Variants in TOGARAM2 observed in about 807,000 individuals in gnomAD.
TOGARAM2 encodes the protein TOG array regulator of axonemal microtubules protein 2.
In TOGARAM2, 85 loss-of-function variants were observed where a neutral mutation model predicts 93.3. That is an observed-to-expected ratio of 0.91 (90% confidence interval 0.76 to 1.09). TOGARAM2 has a LOEUF of 1.09. TOGARAM2 is among the 50% of genes least tolerant of loss of function. TOGARAM2 has a pLI of 0.00. For missense variants in TOGARAM2, 1,277 were observed against 1,334.5 expected (o/e 0.96, Z 0.67); for synonymous variants, 593 against 552.8 (o/e 1.07, Z -1.02).
Position 29,051,844 on chromosome 2 carries a change from CA to C in TOGARAM2, c.2812del (p.Arg938GlyfsTer50). The C allele has an allele frequency of 6.4e-7, 1 of 1,567,476 alleles. No individual in the cohort carries two copies. The highest frequency in any genetic ancestry group is 8.6e-7 in the Non-Finnish European group (1 of 1,156,216). On this transcript the variant is annotated frameshift_variant, in exon 20 of 20. Transcript: ENST00000379558. LOFTEE classifies it low-confidence loss of function (END_TRUNC). Reference protein sequence around the residue: ...ILWHFLNTATRNGTLPGPSGN... With the variant: ...ILWHFLNTATXNGTLPGPSGN... ...TCTGGCACTTCCTGAACACCGCCAC[CA>C]GGAATGGCACCCTGCCTGGACCCAG...
chr2:29,036,226 A>T (rs1037068345), intron 17 of TOGARAM2, among the ~76,000 whole-genome samples: 1 of 152,122 alleles, frequency 6.6e-6, no homozygotes, highest in Admixed American at 6.5e-5. Flanking sequence ...GTTGTTGTTT[A>T]TGGGAAAGTG....
intron 1 of TOGARAM2, among the ~76,000 whole-genome samples, chr2:28,990,987 G>A (rs1672696574): frequency 8.0e-6 from 1 of 125,664 alleles, no homozygotes; most frequent in Non-Finnish European, 1.7e-5. Flanking sequence ...GTGTGTGTGT[G>A]AAGGGTGTGT....
At chr2:29,036,140 G>T (rs1270211150) in intron 17 of TOGARAM2, among the ~76,000 whole-genome samples, 2 of 152,196 alleles carry the variant, frequency 1.3e-5, no homozygotes, top group Non-Finnish European at 2.9e-5. Flanking sequence ...AGAGTCAGCA[G>T]ACCTGGGTTT....
intron 14 of TOGARAM2, among the ~76,000 whole-genome samples, chr2:29,031,063 T>C (rs1172019717): frequency 6.6e-6 from 1 of 152,218 alleles, no homozygotes; most frequent in Non-Finnish European, 1.5e-5. Context: ...CCTTCCCTGG[T>C]TTTAATATTT....
rs1435111502 is a variant in TOGARAM2 at position 28,956,981 on chromosome 2, C to G, written c.-147+284C>G. On this transcript the variant is annotated intron_variant, in intron 1 of 6. Transcript: ENST00000401723. The surrounding 1 kb of genome is among the most constrained non-coding windows in gnomAD (Gnocchi z 4.5). The stretch of plus-strand genomic sequence containing the variant: ...CTCTACTAAAAGTACAAAAATTGGC[C>G]GGGAATGGTGGAGGGCATCTGTAAT... Among the ~76,000 whole-genome samples, 2 of 151,740 alleles carry G rather than the reference C, an allele frequency of 1.3e-5. No homozygotes were observed. The highest frequency in any genetic ancestry group is 4.8e-5 in the African/African-American group (2 of 41,352).
At chr2:29,000,561 C>CT (rs1673233089) in intron 4 of TOGARAM2, among the ~76,000 whole-genome samples, 1 of 152,162 alleles carries the variant, frequency 6.6e-6, no homozygotes, top group Admixed American at 6.5e-5. Context: ...ATCATACGGG[C>CT]TCTTTTCAGC....
chr2:28,978,611 G>C (rs897270951), upstream of TOGARAM2, among the ~76,000 whole-genome samples: 12 of 152,178 alleles, frequency 7.9e-5, no homozygotes, highest in African/African-American at 2.9e-4. Flanking sequence ...CTGAAATCTT[G>C]AGTAGATTTC....
At position 29,026,859 on chromosome 2, in the gene TOGARAM2, G is replaced by T. The variant is rs200257242; in HGVS notation, c.1860G>T (p.Arg620=). Residue 620 remains arginine, a synonymous_variant, in exon 14 of 20, where the codon CGG becomes CGT. Transcript: ENST00000379558. ...VVLTSAGVYH[R]NPLIRKYAAE... ...GGCCATGATTTCCTTTCAGCCACCG[G>T]AACCCCTTGATCCGGAAATACGCGG... 98 of 1,588,642 alleles carry T rather than the reference G, an allele frequency of 6.2e-5. 1 individual carries two copies. The highest frequency in any genetic ancestry group is 1.1e-5 in the Non-Finnish European group (13 of 1,166,252).
intron 14 of TOGARAM2, 194 bp from the exon 15 acceptor site, chr2:29,032,740 A>AT (rs1341239298): frequency 1.9e-6 from 1 of 523,800 alleles, no homozygotes; most frequent in African/African-American, 1.9e-5. Flanking sequence ...TTTAATAGGG[A>AT]TTTTCTCTTG....
At chr2:29,005,269 A>AGT (rs1254948031) in intron 6 of TOGARAM2, among the ~76,000 whole-genome samples, 1 of 115,282 alleles carries the variant, frequency 8.7e-6, no homozygotes, top group Non-Finnish European at 1.8e-5. Context: ...ATGTGTGTGG[A>AGT]GTGTGTGTGC....
chr2:29,011,600 C>A (rs1157982626), intron 7 of TOGARAM2, 99 bp downstream of exon 7: 11 of 1,194,740 alleles, frequency 9.2e-6, no homozygotes, highest in South Asian at 1.6e-5. Context: ...GATCTGAGAG[C>A]TCTTGTGTCT....
chr2:29,006,000 GTA>G (rs1558424086), intron 6 of TOGARAM2, among the ~76,000 whole-genome samples: 7 of 149,530 alleles, frequency 4.7e-5, no homozygotes, highest in Admixed American at 2.7e-4. Flanking sequence ...TGTAGGGTGT[GTA>G]TGTGTGCGTG....
chr2:28,978,475 C>T (rs1431050463), upstream of TOGARAM2, among the ~76,000 whole-genome samples: 1 of 152,128 alleles, frequency 6.6e-6, no homozygotes, highest in African/African-American at 2.4e-5. Flanking sequence ...CAGCTTTGTT[C>T]ACTTTACAAA....
intron 1 of TOGARAM2, among the ~76,000 whole-genome samples, chr2:28,987,716 G>T (rs1672532650): frequency 1.3e-5 from 2 of 152,340 alleles, no homozygotes; most frequent in East Asian, 1.9e-4. Context: ...ACCCTATATT[G>T]TCTGAGAACA....
Position 29,024,244 on chromosome 2 carries a change from C to T in TOGARAM2, c.1723C>T (p.Arg575Cys), listed in dbSNP as rs149999607. The change falls in exon 13 of 20, where the codon CGC becomes TGC. Residue 575 changes from arginine (R) to cysteine (C), a missense_variant. Physicochemically the swap from Arg to Cys is radical, Grantham distance 180 (BLOSUM62 -3). Coordinates refer to ENST00000379558, the MANE Select transcript of TOGARAM2 (RefSeq NM_199280.4). ...GGACCAGGAGGCCGAGGAGATCGCCCGCTGCTTGCTGCAGAAGATGGCGGA... is the reference window on the plus strand; with the variant it reads ...GGACCAGGAGGCCGAGGAGATCGCCTGCTGCTTGCTGCAGAAGATGGCGGA... Reference protein sequence around the residue: ...NMDQEAEEIARCLLQKMADTN... With the variant: ...NMDQEAEEIACCLLQKMADTN... 1.6e-3 allele frequency: 2,597 copies of T among 1,611,558 alleles called. 30 individuals carry two copies. In the African/African-American group the frequency reaches 0.03, roughly 19 times the overall value.
At chr2:29,034,388 G>A (rs1665955823) in intron 16 of TOGARAM2, among the ~76,000 whole-genome samples, 1 of 152,236 alleles carries the variant, frequency 6.6e-6, no homozygotes, top group African/African-American at 2.4e-5. Flanking sequence ...AGGGTGACAG[G>A]CTGGCCTGTT....
intron 19 of TOGARAM2, chr2:29,048,306 T>A (rs1281691702): frequency 6.6e-6 from 1 of 152,124 alleles, no homozygotes; most frequent in Non-Finnish European, 1.5e-5. Context: ...AAGATGAGAT[T>A]TGGGTGGGGA....
intron 6 of TOGARAM2, 146 bp downstream of exon 6, chr2:29,003,828 G>A: frequency 2.5e-6 from 2 of 794,240 alleles, no homozygotes; most frequent in Non-Finnish European, 3.7e-6. Flanking sequence ...CTCCACCCAT[G>A]AGCCACAGAC....
chr2:29,002,850 GCATC>G, intron 5 of TOGARAM2, 103 bp downstream of exon 5: 1 of 1,130,990 alleles, frequency 8.8e-7, no homozygotes, highest in Non-Finnish European at 1.3e-6. Context: ...CATGCCCTGA[GCATC>G]CCTGGAGGTG....
Sources: gnomAD v4.1 joint callset for allele counts (sites outside exome capture counted in the v4.1 genomes callset) on GRCh38, gnomAD v4.1.1 for gene constraint, Gnocchi (gnomAD v3.1) non-coding constraint, MANE v1.5 for transcripts, NCBI Gene and HGNC (gene_info 2026-07-23, HGNC 2026-07-21) for gene names.